Variants in SEMA3A observed in about 807,000 individuals in gnomAD.
SEMA3A encodes semaphorin 3A.
In SEMA3A, 29 loss-of-function variants were observed where a neutral mutation model predicts 97.9. That is an observed-to-expected ratio of 0.30 (90% CI 0.22 to 0.40). The LOEUF is 0.40. Among genes scored for constraint, SEMA3A ranks in the 10% least tolerant of loss-of-function variants. The pLI is 1.00. For missense variants in SEMA3A, 763 were observed against 951.3 expected (o/e 0.80, Z 2.60); for synonymous variants, 321 against 323.7 (o/e 0.99, Z 0.09).
chr7:84,151,606 A>C (rs1796674176), intron 1 of SEMA3A, among the ~76,000 whole-genome samples: 1 of 152,182 alleles, frequency 6.6e-6, no homozygotes. Flanking sequence ...GACCAAATCT[A>C]CGTCTGATTG....
At chr7:84,439,966 C>A (rs766772977) in intron 1 of SEMA3A, among the ~76,000 whole-genome samples, 11 of 151,972 alleles carry the variant, frequency 7.2e-5, no homozygotes, top group Admixed American at 3.9e-4. Context: ...TTATGAGTAC[C>A]TACCATGTAT....
chr7:84,124,086 T>C (rs1795716072), intron 3 of SEMA3A, among the ~76,000 whole-genome samples: 1 of 152,152 alleles, frequency 6.6e-6, no homozygotes, highest in African/African-American at 2.4e-5. Flanking sequence ...TCCAGTGGCA[T>C]GTCCTGGTTT....
intron 1 of SEMA3A, among the ~76,000 whole-genome samples, chr7:84,382,349 C>T (rs746952779): frequency 6.6e-6 from 1 of 151,722 alleles, no homozygotes; most frequent in Non-Finnish European, 1.5e-5. Context: ...TCAAGCAATC[C>T]ACCTACCTCG....
chr7:84,414,105 G>C (rs970991462), intron 1 of SEMA3A, among the ~76,000 whole-genome samples: 10 of 151,962 alleles, frequency 6.6e-5, no homozygotes, highest in African/African-American at 2.4e-4. Flanking sequence ...GCACCAACTT[G>C]AGCAATTTGA....
chr7:84,135,169 T>A (rs192376597), intron 1 of SEMA3A, among the ~76,000 whole-genome samples: 21 of 149,518 alleles, frequency 1.4e-4, no homozygotes, highest in Admixed American at 1.4e-3. Context: ...CAGGTTGGAG[T>A]ACAATGGCGG....
intron 1 of SEMA3A, among the ~76,000 whole-genome samples, chr7:84,460,401 C>A (rs1186006613): frequency 1.5e-4 from 23 of 150,150 alleles, no homozygotes; most frequent in Admixed American, 1.5e-3. Flanking sequence ...CAAATCAATT[C>A]TCAGAAAAAA....
chr7:84,022,467 A>C (rs1791364003), intron 6 of SEMA3A, among the ~76,000 whole-genome samples: 1 of 152,236 alleles, frequency 6.6e-6, no homozygotes, highest in Admixed American at 6.5e-5. Context: ...TATTGATTTC[A>C]CTGTGGCCAC....
intron 3 of SEMA3A, among the ~76,000 whole-genome samples, chr7:84,280,793 T>C (rs1327715805): frequency 6.6e-6 from 1 of 151,938 alleles, no homozygotes; most frequent in African/African-American, 2.4e-5. Context: ...AATAAATAAA[T>C]AAATAAATAG....
intron 4 of SEMA3A, among the ~76,000 whole-genome samples, chr7:84,080,267 G>T (rs940784275): frequency 6.7e-6 from 1 of 150,102 alleles, no homozygotes; most frequent in African/African-American, 2.5e-5. Context: ...ATGAGTTAAT[G>T]GGTGCAGCAC....
At chr7:83,981,109 T>C (rs1290864320) in intron 14 of SEMA3A, among the ~76,000 whole-genome samples, 1 of 152,226 alleles carries the variant, frequency 6.6e-6, no homozygotes, top group Non-Finnish European at 1.5e-5. Flanking sequence ...GTCTAGATTC[T>C]GTTTATGACT....
intron 6 of SEMA3A, among the ~76,000 whole-genome samples, chr7:84,044,531 TAAGAG>T (rs1792272038): frequency 6.6e-6 from 1 of 152,036 alleles, no homozygotes; most frequent in South Asian, 2.1e-4. Context: ...TAAGGGAAGC[TAAGAG>T]AAGAGATTGA....
At chr7:84,208,251 G>C (rs1400174849) in intron 3 of SEMA3A, among the ~76,000 whole-genome samples, 1 of 152,076 alleles carries the variant, frequency 6.6e-6, no homozygotes, top group Non-Finnish European at 1.5e-5. Flanking sequence ...AGGAGATCGA[G>C]ACCATCCTGG....
intron 1 of SEMA3A, among the ~76,000 whole-genome samples, chr7:84,389,812 G>T (rs1803493614): frequency 6.6e-6 from 1 of 151,974 alleles, no homozygotes; most frequent in Non-Finnish European, 1.5e-5. Context: ...AATTATACAG[G>T]ACTAGAATGA....
At chr7:84,172,241 C>T (rs1277349366) in intron 1 of SEMA3A, among the ~76,000 whole-genome samples, 2 of 152,102 alleles carry the variant, frequency 1.3e-5, no homozygotes, top group Non-Finnish European at 2.9e-5. Context: ...ATTTTTGACA[C>T]TCTAGGTCAA....
At chr7:84,351,979 A>C (rs1360205536) in intron 2 of SEMA3A, among the ~76,000 whole-genome samples, 1 of 151,954 alleles carries the variant, frequency 6.6e-6, no homozygotes, top group Non-Finnish European at 1.5e-5. Context: ...CTAATTGCTC[A>C]TCAGCAGATG....
intron 1 of SEMA3A, among the ~76,000 whole-genome samples, chr7:84,154,180 T>G (rs2116137182): frequency 6.6e-6 from 1 of 152,238 alleles, no homozygotes; most frequent in African/African-American, 2.4e-5. Flanking sequence ...TTTCAAGGAA[T>G]ATTTAGAAAG....
intron 1 of SEMA3A, among the ~76,000 whole-genome samples, chr7:84,137,214 C>T (rs1310388248): frequency 6.6e-6 from 1 of 151,918 alleles, no homozygotes; most frequent in African/African-American, 2.4e-5. Flanking sequence ...ACCTGGCCAA[C>T]ATGGTGAAAC....
At chr7:84,453,739 T>G (rs1321002894) in intron 1 of SEMA3A, among the ~76,000 whole-genome samples, 8 of 152,218 alleles carry the variant, frequency 5.3e-5, no homozygotes, top group Non-Finnish European at 8.8e-5. Context: ...CTGTAACTTA[T>G]TAAGAATAGC....
intron 1 of SEMA3A, among the ~76,000 whole-genome samples, chr7:84,409,428 C>A (rs1310561306): frequency 6.6e-6 from 1 of 152,016 alleles, no homozygotes; most frequent in African/African-American, 2.4e-5. Flanking sequence ...ATTATACATA[C>A]AAATCCCAAT....
Sources: allele counts gnomAD v4.1 joint callset (sites outside exome capture counted in the v4.1 genomes callset), GRCh38; gene constraint gnomAD v4.1.1; transcripts MANE v1.5; gene names NCBI Gene and HGNC (gene_info 2026-07-23, HGNC 2026-07-21).